PAX3: variants seen among roughly 807,000 people sequenced by gnomAD.
The protein encoded by PAX3 is paired box 3, also known as paired box protein Pax-3.
PAX3 carries 14 observed loss-of-function variants against 51.6 expected under a neutral mutation model. The observed-to-expected ratio is 0.27, with a 90% CI of 0.18 to 0.42. The LOEUF (loss-of-function observed/expected upper bound fraction) is 0.42. Among genes scored for constraint, PAX3 ranks in the 10% least tolerant of loss-of-function variants. PAX3 has a pLI of 1.00. For missense variants in PAX3, 540 were observed against 642.8 expected (o/e 0.84, Z 1.73); for synonymous variants, 280 against 253.4 (o/e 1.11, Z -1.00).
At chr2:222,265,179 T>C (rs1693999016) in intron 4 of PAX3, 2 of 152,256 alleles carry the variant, frequency 1.3e-5, no homozygotes, top group South Asian at 2.1e-4. Flanking sequence ...GTATCTAGCA[T>C]AGAGTAGGCA....
At position 222,298,660 on chromosome 2, in the gene PAX3, A is replaced by C; in HGVS notation, c.-45T>G. The stretch of plus-strand genomic sequence containing the variant: ...GGAAATTATATCCAGGTGAAGGCGA[A>C]ACGGAAAGGCGAGTGCGGCGCGGAT... On this transcript the variant is annotated 5_prime_UTR_variant, in exon 1 of 9. Transcript: ENST00000392070. The C allele has an allele frequency of 1.3e-6, 2 of 1,540,862 alleles. No homozygotes were observed. Among genetic ancestry groups the C allele is most frequent in the Non-Finnish European group, 1.8e-6 (2 of 1,132,516 alleles).
At chr2:222,202,406 AGGGAGAAGAG>A (rs1691332235) in intron 7 of PAX3, among the ~76,000 whole-genome samples, 1 of 151,880 alleles carries the variant, frequency 6.6e-6, no homozygotes, top group Admixed American at 6.6e-5. Context: ...GGAAAGGGGG[AGGGAGAAGAG>A]GGGAGAAGAG....
intron 4 of PAX3, among the ~76,000 whole-genome samples, chr2:222,276,824 G>A (rs977591023): frequency 2.6e-5 from 4 of 152,182 alleles, no homozygotes; most frequent in South Asian, 2.1e-4. Context: ...GTGAGGAGTC[G>A]GTCCAAGATC....
intron 5 of PAX3, among the ~76,000 whole-genome samples, chr2:222,228,825 G>A (rs1434990095): frequency 1.3e-5 from 2 of 152,144 alleles, no homozygotes; most frequent in African/African-American, 4.8e-5. Flanking sequence ...TGTAGACCCA[G>A]CTACTCTGGA....
intron 4 of PAX3, among the ~76,000 whole-genome samples, chr2:222,280,382 A>G (rs1385004771): frequency 6.6e-6 from 1 of 150,486 alleles, no homozygotes; most frequent in Non-Finnish European, 1.5e-5. Context: ...AGGGGAAGGA[A>G]GGAAGGAAGG....
intron 1 of PAX3, chr2:222,298,170 T>G: frequency 3.2e-6 from 1 of 310,382 alleles, no homozygotes; most frequent in Non-Finnish European, 6.1e-6. Flanking sequence ...GCCGGGACAA[T>G]TTCGAGACAA....
intron 4 of PAX3, among the ~76,000 whole-genome samples, chr2:222,279,460 T>C (rs778265412): frequency 1.3e-5 from 2 of 152,190 alleles, no homozygotes; most frequent in Non-Finnish European, 2.9e-5. Context: ...GGGCCCTTTA[T>C]GGAAGGAAAG....
In PAX3 at chr2:222,200,883, G is replaced by A; in HGVS notation, c.*525C>T. On this transcript the variant is annotated 3_prime_UTR_variant, in exon 9 of 9. Coordinates refer to ENST00000392070, the MANE Select transcript of PAX3 (RefSeq NM_181458.4). ...CTTTATTTCAATTTCCAGTGTGTAAGAGTCAAGGATTCCTCCATTCTTGCT... is the reference window on the plus strand; with the variant it reads ...CTTTATTTCAATTTCCAGTGTGTAAAAGTCAAGGATTCCTCCATTCTTGCT... 2.1e-6 allele frequency: 1 copy of A among 478,604 alleles called. No individual in the cohort carries two copies. The highest frequency in any genetic ancestry group is 3.8e-6 in the Non-Finnish European group (1 of 266,612). 29.6% of individuals were successfully genotyped at this position (478,604 alleles called of 1,614,324 possible).
rs372075864 is a variant in PAX3, at chr2:222,227,641, C to T, written c.792+4437G>A. Reference sequence around the variant, plus strand: ...TAATTAATATTTGCAAGTAATTCCTCCCCACAAAACTTGAATGTTTGTCAT... The same window carrying T: ...TAATTAATATTTGCAAGTAATTCCTTCCCACAAAACTTGAATGTTTGTCAT... On this transcript the variant is annotated intron_variant, in intron 5 of 8. Transcript: ENST00000392070. 6.6e-5 allele frequency among the ~76,000 whole-genome samples: 10 copies of T among 152,098 alleles called. No homozygotes were observed. In the South Asian group the frequency reaches 1.2e-3, roughly 19 times the overall value.
At chr2:222,236,439 A>C (rs182434541) in intron 4 of PAX3, among the ~76,000 whole-genome samples, 1 of 152,268 alleles carries the variant, frequency 6.6e-6, no homozygotes, top group Admixed American at 6.5e-5. Context: ...ATCCCATTTT[A>C]AGAGCACATA....
chr2:222,233,482 G>C (rs1417714979), intron 4 of PAX3, among the ~76,000 whole-genome samples: 1 of 152,156 alleles, frequency 6.6e-6, no homozygotes, highest in Non-Finnish European at 1.5e-5. Flanking sequence ...ATTTGATGAG[G>C]GCAGGGGTGG....
intron 4 of PAX3, among the ~76,000 whole-genome samples, chr2:222,279,349 G>A (rs1694553944): frequency 6.6e-6 from 1 of 150,576 alleles, no homozygotes. Context: ...AGTAATAGTA[G>A]TAGGAATGTA....
chr2:222,222,113 A>G (rs910018561), intron 5 of PAX3, among the ~76,000 whole-genome samples: 6 of 152,200 alleles, frequency 3.9e-5, no homozygotes, highest in Admixed American at 1.3e-4. Flanking sequence ...AGCCTGATAC[A>G]ATATAATAAA....
chr2:222,269,308 C>T (rs1191776690), intron 4 of PAX3, among the ~76,000 whole-genome samples: 1 of 152,178 alleles, frequency 6.6e-6, no homozygotes, highest in Non-Finnish European at 1.5e-5. Context: ...CCAGGTTCGT[C>T]CCTACCCTTG....
At chr2:222,270,564 A>G (rs1363054991) in intron 4 of PAX3, among the ~76,000 whole-genome samples, 3 of 152,222 alleles carry the variant, frequency 2.0e-5, no homozygotes, top group Non-Finnish European at 4.4e-5. Flanking sequence ...CTTATTTTCC[A>G]TGAGCTTATC....
chr2:222,257,168 A>T (rs945467506), intron 4 of PAX3, among the ~76,000 whole-genome samples: 1 of 151,942 alleles, frequency 6.6e-6, no homozygotes, highest in African/African-American at 2.4e-5. Context: ...TGCTCTTAGC[A>T]GGGACACAGT....
chr2:222,250,568 C>T (rs529971013), intron 4 of PAX3, among the ~76,000 whole-genome samples: 2 of 152,212 alleles, frequency 1.3e-5, no homozygotes, highest in South Asian at 2.1e-4. Context: ...ACTTAATACC[C>T]TAGAAACTGA....
chr2:222,261,610 A>AG (rs1693864701), intron 4 of PAX3, among the ~76,000 whole-genome samples: 2 of 151,808 alleles, frequency 1.3e-5, no homozygotes, highest in South Asian at 2.1e-4. Flanking sequence ...ACAAAAAAAA[A>AG]AAAAAGAAAA....
intron 4 of PAX3, among the ~76,000 whole-genome samples, chr2:222,269,449 G>A (rs1291471039): frequency 6.6e-6 from 1 of 152,182 alleles, no homozygotes; most frequent in African/African-American, 2.4e-5. Flanking sequence ...TTCATTTGCA[G>A]ATAAGCACGT....
Sources: gnomAD v4.1 joint callset for allele counts (sites outside exome capture counted in the v4.1 genomes callset) on GRCh38, gnomAD v4.1.1 for gene constraint, MANE v1.5 for transcripts, NCBI Gene and HGNC (gene_info 2026-07-23, HGNC 2026-07-21) for gene names.